The following TIMP3 variants were observed in gnomAD, a reference collection of about 807,000 sequenced individuals.
TIMP3 encodes metalloproteinase inhibitor 3.
Under a neutral mutation model 30.0 loss-of-function variants are expected in TIMP3, and 11 were observed. The observed-to-expected ratio is 0.37, with a 90% confidence interval of 0.23 to 0.61. TIMP3 has a LOEUF of 0.61. TIMP3 is among the 20% of genes least tolerant of loss of function. The pLI is 0.70. For synonymous variants in TIMP3, 112 were observed against 111.3 expected (o/e 1.01, Z -0.04); for missense variants, 181 against 276.8 (o/e 0.65, Z 2.45).
In TIMP3 at chr22:32,801,812, A is replaced by T; in HGVS notation, c.-190A>T. On this transcript the variant is annotated 5_prime_UTR_variant, in exon 1 of 5. Coordinates refer to ENST00000266085, the MANE Select transcript of TIMP3 (RefSeq NM_000362.5). This position sits in a 1 kb window ranked among gnomAD's most constrained non-coding sequence, Gnocchi z 4.7. ...GAGGCCGCCCGCCGAGTCCTGCGCC[A>T]GCGCCGAGGCAGCCTCGCTGCGCCC... The T allele has an allele frequency of 1.8e-6, 1 of 555,692 alleles. No individual in the cohort carries two copies. Among genetic ancestry groups the T allele is most frequent in the Non-Finnish European group, 2.5e-6 (1 of 400,090 alleles). 34.4% of individuals were successfully genotyped at this position (555,692 alleles called of 1,614,324 possible).
chr22:32,826,615 GA>G (rs965851808), intron 1 of TIMP3, among the ~76,000 whole-genome samples: 1 of 152,006 alleles, frequency 6.6e-6, no homozygotes, highest in African/African-American at 2.4e-5. Flanking sequence ...AAGAAAGAAA[GA>G]AAAAAACTAG....
intron 1 of TIMP3, among the ~76,000 whole-genome samples, chr22:32,822,337 G>A (rs1042518583): frequency 1.3e-5 from 2 of 152,070 alleles, no homozygotes; most frequent in African/African-American, 4.8e-5. Flanking sequence ...TGATGCCTCT[G>A]GGGATTTCCA....
intron 1 of TIMP3, among the ~76,000 whole-genome samples, chr22:32,817,873 C>T (rs2047129058): frequency 6.6e-6 from 1 of 152,156 alleles, no homozygotes; most frequent in East Asian, 1.9e-4. Context: ...GCAACCCCAC[C>T]CTGGTCCCCT....
rs538593829 is a variant in TIMP3, at chr22:32,825,008, A to T, written c.121+22886A>T. Among the ~76,000 whole-genome samples, 3 of 152,262 alleles carry T rather than the reference A, an allele frequency of 2.0e-5. No homozygotes were observed. The East Asian group carries it at 5.8e-4, about 29-fold the overall frequency. On this transcript the variant is annotated intron_variant, in intron 1 of 4. Coordinates refer to ENST00000266085, the MANE Select transcript of TIMP3 (RefSeq NM_000362.5). ...TGGCCCCGCCTGTCTTGGGATATCTACTCAGACCCTGGAACTTTGAAATCG... is the reference window on the plus strand; with the variant it reads ...TGGCCCCGCCTGTCTTGGGATATCTTCTCAGACCCTGGAACTTTGAAATCG...
At chr22:32,825,615 GC>G (rs1234808854) in intron 1 of TIMP3, among the ~76,000 whole-genome samples, 1 of 117,782 alleles carries the variant, frequency 8.5e-6, no homozygotes, top group Non-Finnish European at 1.6e-5. Flanking sequence ...CCGAGATCAT[GC>G]CACTGCACTC....
At chr22:32,847,217 A>G (rs373644892) in intron 1 of TIMP3, among the ~76,000 whole-genome samples, 1 of 152,184 alleles carries the variant, frequency 6.6e-6, no homozygotes, top group African/African-American at 2.4e-5. Flanking sequence ...AAGCTGTTAT[A>G]ACCTGCCTGT....
At chr22:32,824,773 G>A (rs2047352958) in intron 1 of TIMP3, among the ~76,000 whole-genome samples, 1 of 152,140 alleles carries the variant, frequency 6.6e-6, no homozygotes, top group South Asian at 2.1e-4. Context: ...CAGTGTTTGA[G>A]GCAGATGTCT....
At chr22:32,850,840 T>G (rs1299277747) in intron 2 of TIMP3, among the ~76,000 whole-genome samples, 1 of 152,176 alleles carries the variant, frequency 6.6e-6, no homozygotes, top group Non-Finnish European at 1.5e-5. Flanking sequence ...AGCCGCAATG[T>G]CCAGGTAGAA....
intron 2 of TIMP3, among the ~76,000 whole-genome samples, chr22:32,851,397 C>G (rs1386275151): frequency 6.6e-6 from 1 of 152,076 alleles, no homozygotes; most frequent in African/African-American, 2.4e-5. Flanking sequence ...ACATAATGTC[C>G]CATTCCCCCT....
intron 3 of TIMP3, 90 bp downstream of exon 3, chr22:32,857,450 A>T: frequency 1.0e-6 from 1 of 967,182 alleles, no homozygotes; most frequent in Non-Finnish European, 1.7e-6. Context: ...TAGTTGACTC[A>T]CCAAATGTCC....
rs73158341 is a variant in TIMP3, at chr22:32,834,997, C to T, written c.122-14455C>T. Among the ~76,000 whole-genome samples the T allele has an allele frequency of 5.5e-3, 843 of 152,322 alleles. 5 individuals carry two copies. Among genetic ancestry groups the T allele is most frequent in the South Asian group, 0.02 (97 of 4,822 alleles). ...TTGCAGTCCTCAGCCATGTGACCTC[C>T]GACCTGTCAGTCTTGGTCTGATTGC... On this transcript the variant is annotated intron_variant, in intron 1 of 4. Transcript: ENST00000266085.
chr22:32,841,183 C>G (rs566169724), intron 1 of TIMP3, among the ~76,000 whole-genome samples: 1 of 152,210 alleles, frequency 6.6e-6, no homozygotes, highest in African/African-American at 2.4e-5. Context: ...AGGCACTCTT[C>G]GGGCAGCTTT....
At chr22:32,812,656 C>T (rs993814763) in intron 1 of TIMP3, among the ~76,000 whole-genome samples, 5 of 152,158 alleles carry the variant, frequency 3.3e-5, no homozygotes, top group Admixed American at 3.3e-4. Context: ...GTTCATGGCT[C>T]GGCTCAAACA....
chr22:32,814,488 C>T (rs1463983363), intron 1 of TIMP3, among the ~76,000 whole-genome samples: 1 of 152,128 alleles, frequency 6.6e-6, no homozygotes, highest in African/African-American at 2.4e-5. Context: ...AAACCACTGC[C>T]CATCTTTTTC....
chr22:32,855,346 TGAA>T (rs2048334976), intron 2 of TIMP3, among the ~76,000 whole-genome samples: 1 of 152,222 alleles, frequency 6.6e-6, no homozygotes, highest in Admixed American at 6.5e-5. Context: ...ACTGTGCCTC[TGAA>T]GGAGGCACAG....
chr22:32,814,351 G>GAAAGAAAGAGAGAAAGAA (rs1555970165), intron 1 of TIMP3, among the ~76,000 whole-genome samples: 4 of 14,592 alleles, frequency 2.7e-4, no homozygotes, highest in Admixed American at 9.3e-4. Context: ...GAAAGAAAGA[G>GAAAGAAAGAGAGAAAGAA]AGAAAGAAAG....
chr22:32,856,514 C>G (rs562418714), intron 2 of TIMP3, among the ~76,000 whole-genome samples: 1 of 152,190 alleles, frequency 6.6e-6, no homozygotes, highest in African/African-American at 2.4e-5. Flanking sequence ...AGACTCCTCT[C>G]CTGTGTTCCT....
At chr22:32,857,668 G>A (rs145699827) in intron 3 of TIMP3, among the ~76,000 whole-genome samples, 8 of 152,258 alleles carry the variant, frequency 5.3e-5, no homozygotes, top group Admixed American at 1.3e-4. Flanking sequence ...TGTTAGGCCC[G>A]TCTTTGAAAG....
At chr22:32,816,350 A>C (rs2047088207) in intron 1 of TIMP3, among the ~76,000 whole-genome samples, 1 of 152,182 alleles carries the variant, frequency 6.6e-6, no homozygotes. Flanking sequence ...ACATGGGTGA[A>C]ATACAGGAAT....
Sources: gnomAD v4.1 joint callset for allele counts (sites outside exome capture counted in the v4.1 genomes callset) on GRCh38, gnomAD v4.1.1 for gene constraint, Gnocchi (gnomAD v3.1) non-coding constraint, MANE v1.5 for transcripts, NCBI Gene and HGNC (gene_info 2026-07-23, HGNC 2026-07-21) for gene names.